LMBRD2: variants seen among roughly 807,000 people sequenced by gnomAD.
The protein encoded by LMBRD2 is G protein-coupled receptor-associated protein LMBRD2.
In LMBRD2, 55 loss-of-function variants were observed where a neutral mutation model predicts 94.4. That is an observed-to-expected ratio of 0.58 (90% confidence interval 0.47 to 0.73). The LOEUF (loss-of-function observed/expected upper bound fraction) is 0.73, where lower values mean the gene tolerates loss of function less well. Ranked by LOEUF, LMBRD2 falls within the 30% of genes least tolerant of loss-of-function variation. The probability of loss-of-function intolerance (pLI) is 0.00; values close to 1 mark genes in which losing one functional copy is unlikely to be tolerated. For synonymous variants in LMBRD2, 246 were observed against 272.4 expected (o/e 0.90, Z 0.95); for missense variants, 640 against 831.9 (o/e 0.77, Z 2.84).
intron 10 of LMBRD2, 66 bp downstream of exon 10, chr5:36,117,669 G>A: frequency 1.8e-6 from 2 of 1,127,242 alleles, no homozygotes; most frequent in Non-Finnish European, 2.5e-6. Flanking sequence ...GAAATACATG[G>A]AGAAAATAGT....
chr5:36,148,864 G>T (rs1744618273), intron 1 of LMBRD2, among the ~76,000 whole-genome samples: 1 of 152,118 alleles, frequency 6.6e-6, no homozygotes, highest in Non-Finnish European at 1.5e-5. Flanking sequence ...TCTTCACAGG[G>T]AACAAATTAG....
intron 9 of LMBRD2, 57 bp from the exon 10 acceptor site, chr5:36,117,973 T>G (rs1164463937): frequency 7.6e-7 from 1 of 1,320,028 alleles, no homozygotes; most frequent in Non-Finnish European, 1.0e-6. Context: ...ATGGGATATT[T>G]ACATTGTTTC....
chr5:36,122,136 G>T, intron 9 of LMBRD2, 144 bp downstream of exon 9: 1 of 581,328 alleles, frequency 1.7e-6, no homozygotes, highest in East Asian at 3.1e-5. Context: ...TTATTTTGGG[G>T]AAATGTTACC....
intron 17 of LMBRD2, among the ~76,000 whole-genome samples, chr5:36,104,307 C>G (rs558029807): frequency 1.3e-5 from 2 of 151,810 alleles, no homozygotes; most frequent in Non-Finnish European, 2.9e-5. Flanking sequence ...CGGTTTTAGA[C>G]CCTAGAATAT....
At chr5:36,137,727 G>A (rs1002122674) in intron 4 of LMBRD2, among the ~76,000 whole-genome samples, 2 of 152,114 alleles carry the variant, frequency 1.3e-5, no homozygotes, top group Non-Finnish European at 2.9e-5. Flanking sequence ...GGCTTCACAC[G>A]GAGAATGGAT....
intron 5 of LMBRD2, among the ~76,000 whole-genome samples, chr5:36,136,924 C>G (rs541094561): frequency 1.3e-5 from 2 of 151,938 alleles, no homozygotes; most frequent in African/African-American, 4.8e-5. Flanking sequence ...AATATGCCTT[C>G]AAATTATAAT....
At position 36,099,630 on chromosome 5, in the gene LMBRD2, T is replaced by C. The variant is rs1743306917; in HGVS notation, c.*4416A>G. ...ATTATGATTTTACCCTACATATGTC[T>C]GCAATAGTAAATCATTCTTTCTACT... On this transcript the variant is annotated 3_prime_UTR_variant, in exon 18 of 18. Coordinates refer to ENST00000296603, the MANE Select transcript of LMBRD2 (RefSeq NM_001007527.2). The C allele has an allele frequency of 1.3e-5, 2 of 152,140 alleles. No individual in the cohort carries two copies. The highest frequency in any genetic ancestry group is 4.8e-5 in the African/African-American group (2 of 41,456). The allele number at this position is 152,140 out of a possible 1,614,324, so 9.4% of individuals were successfully genotyped here.
In LMBRD2 at chr5:36,114,511, G is replaced by A; in HGVS notation, c.1553C>T (p.Ser518Phe). The change falls in exon 13 of 18, where the codon TCC (serine) becomes TTC (phenylalanine). Residue 518 changes from serine to phenylalanine, a missense_variant. Physicochemically the swap from Ser to Phe is radical, Grantham distance 155 (BLOSUM62 -2). Transcript: ENST00000296603. ...TGCAATAAAGGATAAAACTTTCATG[G>A]AACCCATAATCTGAAGAGCAAGAAA... is the stretch of plus-strand genomic sequence containing the variant. ...QPTAYTSIMG[S>F]MKVLSFIADG... 1 of 1,550,110 alleles carries A rather than the reference G, an allele frequency of 6.5e-7. No homozygotes were observed. Among genetic ancestry groups the A allele is most frequent in the Non-Finnish European group, 8.7e-7 (1 of 1,154,776 alleles).
At chr5:36,149,659 C>T (rs1194872750) in intron 1 of LMBRD2, among the ~76,000 whole-genome samples, 1 of 152,226 alleles carries the variant, frequency 6.6e-6, no homozygotes, top group Non-Finnish European at 1.5e-5. Flanking sequence ...GTAATCTCAG[C>T]ACTTTAGGAG....
intron 9 of LMBRD2, 76 bp downstream of exon 9, chr5:36,122,204 T>G (rs1743901753): frequency 9.8e-7 from 1 of 1,019,738 alleles, no homozygotes; most frequent in Non-Finnish European, 1.4e-6. Flanking sequence ...CAACTTTGCA[T>G]TGGTGAAAAT....
chr5:36,136,486 T>C lies in LMBRD2; in HGVS notation c.570A>G (p.Ala190=). The C allele has an allele frequency of 6.2e-7, 1 of 1,614,044 alleles. No individual in the cohort carries two copies. The highest frequency in any genetic ancestry group is 1.1e-5 in the South Asian group (1 of 91,086). Residue 190 remains alanine (A), a synonymous_variant, in exon 6 of 18, where the codon GCA becomes GCG. Coordinates refer to ENST00000296603, the MANE Select transcript of LMBRD2 (RefSeq NM_001007527.2). ...NQLQTIGIAA[A]NTWGLFLLVL... is the part of the protein sequence containing the mutation. Reference sequence around the variant, plus strand: ...CAAGAAGAAACAGACCCCATGTATTTGCAGCAGCTATCCCAATTGTCTGAA... The same window carrying C: ...CAAGAAGAAACAGACCCCATGTATTCGCAGCAGCTATCCCAATTGTCTGAA...
chr5:36,147,651 TTAATGTTACTGAC>T (rs1230942918), intron 1 of LMBRD2, among the ~76,000 whole-genome samples: 6 of 152,230 alleles, frequency 3.9e-5, no homozygotes, highest in Non-Finnish European at 7.3e-5. Flanking sequence ...AATTAGCGTG[TTAATGTTACTGAC>T]TAATGTTACT....
At chr5:36,104,533 A>G (rs1250794404) in intron 17 of LMBRD2, among the ~76,000 whole-genome samples, 1 of 151,988 alleles carries the variant, frequency 6.6e-6, no homozygotes, top group Admixed American at 6.6e-5. Flanking sequence ...AAAAGTACAG[A>G]CTCTGTAGCC....
rs1027988599 is a variant in LMBRD2 at position 36,144,860 on chromosome 5, C to T, written c.-57-1454G>A. On this transcript the variant is annotated intron_variant, in intron 1 of 17. Transcript: ENST00000296603. ...CATGAACTATCACATAGAAAAATCA[C>T]ATTTAATGAACAATTTTCTTCACTA... 3.3e-5 allele frequency among the ~76,000 whole-genome samples: 5 copies of T among 152,146 alleles called. No homozygotes were observed. The East Asian group carries it at 7.7e-4, about 23-fold the overall frequency.
At chr5:36,112,771 A>C (rs1157037392) in intron 13 of LMBRD2, among the ~76,000 whole-genome samples, 1 of 152,188 alleles carries the variant, frequency 6.6e-6, no homozygotes, top group African/African-American at 2.4e-5. Flanking sequence ...TAACCATCTA[A>C]TAAGGTAAGA....
Position 36,115,027 on chromosome 5 carries a change from A to C in LMBRD2, c.1530T>G (p.Thr510=). 1 of 1,588,048 alleles carries C rather than the reference A, an allele frequency of 6.3e-7. No individual in the cohort carries two copies. The highest frequency in any genetic ancestry group is 8.6e-7 in the Non-Finnish European group (1 of 1,157,014). Reference sequence around the variant, plus strand: ...TGACCGTACTTACAGATGTATAAGCAGTTGGTTGAGTATTCTTGTGAGAGA... The same window carrying C: ...TGACCGTACTTACAGATGTATAAGCCGTTGGTTGAGTATTCTTGTGAGAGA... The part of the protein sequence containing the change: ...SSISHKNTQP[T]AYTSIMGSMK... Residue 510 remains threonine, a synonymous_variant, in exon 12 of 18, where the codon ACT becomes ACG. Transcript: ENST00000296603.
intron 1 of LMBRD2, chr5:36,147,888 G>T: frequency 2.3e-6 from 1 of 435,392 alleles, no homozygotes. Context: ...GAAACTGAAT[G>T]AAAAATTTCT....
intron 7 of LMBRD2, among the ~76,000 whole-genome samples, chr5:36,123,541 T>A (rs1231601936): frequency 6.6e-6 from 1 of 152,056 alleles, no homozygotes; most frequent in East Asian, 1.9e-4. Flanking sequence ...AGAATCAGTA[T>A]AACAGATTTA....
intron 16 of LMBRD2, among the ~76,000 whole-genome samples, chr5:36,106,896 A>T (rs1743486015): frequency 6.6e-6 from 1 of 152,080 alleles, no homozygotes; most frequent in African/African-American, 2.4e-5. Flanking sequence ...AGAGAAAAAC[A>T]TGCATTTTCC....
Sources: gnomAD v4.1 joint callset for allele counts (sites outside exome capture counted in the v4.1 genomes callset) on GRCh38, gnomAD v4.1.1 for gene constraint, MANE v1.5 for transcripts, NCBI Gene and HGNC (gene_info 2026-07-23, HGNC 2026-07-21) for gene names.